SHISA9: variants seen among roughly 807,000 people sequenced by gnomAD.
SHISA9 encodes protein shisa-9.
Under a neutral mutation model 38.0 loss-of-function variants are expected in SHISA9, and 13 were observed. That is an observed-to-expected ratio of 0.34 (90% CI 0.22 to 0.54). The LOEUF is 0.54. SHISA9 is among the 20% of genes least tolerant of loss of function. The pLI, the probability that SHISA9 is intolerant of heterozygous loss-of-function variation, is 0.91. For synonymous variants in SHISA9, 275 were observed against 242.0 expected (o/e 1.14, Z -1.27); for missense variants, 538 against 575.8 (o/e 0.93, Z 0.67).
chr16:13,408,522 CTG>C, the SHISA9 span, among the ~76,000 whole-genome samples: 23 of 152,240 alleles, frequency 1.5e-4, no homozygotes, highest in African/African-American at 5.3e-4. Flanking sequence ...TCTAGCATAA[CTG>C]ATAAAAATTT....
At chr16:13,102,065 AT>A (rs1480320084) in intron 2 of SHISA9, among the ~76,000 whole-genome samples, 1 of 151,988 alleles carries the variant, frequency 6.6e-6, no homozygotes, top group Non-Finnish European at 1.5e-5. Context: ...TACTTTACTT[AT>A]TTACATTCCC....
intron 2 of SHISA9, among the ~76,000 whole-genome samples, chr16:13,004,943 G>GAAAAAAAAAAAAAA (rs59694628): frequency 7.7e-5 from 8 of 103,746 alleles, no homozygotes; most frequent in Non-Finnish European, 9.8e-5. Flanking sequence ...TTAAGAAAAA[G>GAAAAAAAAAAAAAA]AAAAAAAAAA....
the SHISA9 span, among the ~76,000 whole-genome samples, chr16:13,497,685 CAAAAAAAAAA>C: frequency 9.4e-6 from 1 of 106,370 alleles, no homozygotes; most frequent in African/African-American, 3.6e-5. Context: ...ACTCCGTCTC[CAAAAAAAAAA>C]AAAAAAGAAA....
chr16:13,301,696 G>A, the SHISA9 span, among the ~76,000 whole-genome samples: 3 of 152,182 alleles, frequency 2.0e-5, no homozygotes, highest in Non-Finnish European at 4.4e-5. Context: ...TTGGTAGTAT[G>A]AGGTATGTGG....
chr16:13,238,815 T>TTTTTA lies in SHISA9; in HGVS notation c.*3408_*3409insTTATT, dbSNP rs373980000. 2.7e-3 allele frequency: 370 copies of TTTTTA among 136,140 alleles called. 1 individual carries two copies. Among genetic ancestry groups the TTTTTA allele is most frequent in the Non-Finnish European group, 4.7e-3 (302 of 63,858 alleles). 8.4% of individuals were successfully genotyped at this position (136,140 alleles called of 1,614,324 possible). On this transcript the variant is annotated 3_prime_UTR_variant, in exon 5 of 5. Transcript: ENST00000558583. Reference sequence around the variant, plus strand: ...TTTTTTTTAATGTATCCATGGAGTATTTATTATTATTATTATTATTATTAT... The same window carrying TTTTTA: ...TTTTTTTTAATGTATCCATGGAGTATTTTTATTATTATTATTATTATTATTATTAT...
chr16:13,181,181 CATAATA>C (rs930895321), intron 2 of SHISA9, among the ~76,000 whole-genome samples: 1 of 148,734 alleles, frequency 6.7e-6, no homozygotes, highest in South Asian at 2.1e-4. Context: ...TTTATATAAT[CATAATA>C]ATAATTATAA....
the SHISA9 span, among the ~76,000 whole-genome samples, chr16:13,529,604 G>C: frequency 1.3e-5 from 2 of 152,182 alleles, no homozygotes; most frequent in Admixed American, 6.5e-5. Context: ...ACTTTGGTTT[G>C]TGTTTTCCCT....
the SHISA9 span, among the ~76,000 whole-genome samples, chr16:13,336,554 G>A: frequency 6.6e-6 from 1 of 152,172 alleles, no homozygotes; most frequent in African/African-American, 2.4e-5. Context: ...AAAATAGTTG[G>A]AGGTTACATT....
At chr16:13,368,394 A>G in the SHISA9 span, among the ~76,000 whole-genome samples, 21 of 152,114 alleles carry the variant, frequency 1.4e-4, no homozygotes, top group African/African-American at 5.1e-4. Context: ...TCGCTACTAT[A>G]TTCAAAAACA....
the SHISA9 span, among the ~76,000 whole-genome samples, chr16:13,353,578 C>A: frequency 6.6e-6 from 1 of 151,858 alleles, no homozygotes; most frequent in Non-Finnish European, 1.5e-5. Context: ...GTAGGGATGA[C>A]AAGTTTTTTG....
the SHISA9 span, among the ~76,000 whole-genome samples, chr16:13,528,291 C>T: frequency 6.6e-6 from 1 of 152,022 alleles, no homozygotes; most frequent in African/African-American, 2.4e-5. Context: ...CCTAAAGAGT[C>T]CATTTCCACA....
chr16:13,151,590 C>T (rs917965422), intron 2 of SHISA9, among the ~76,000 whole-genome samples: 27 of 152,292 alleles, frequency 1.8e-4, no homozygotes, highest in Non-Finnish European at 3.7e-4. Flanking sequence ...GTAACTATCT[C>T]TACTCTTGTT....
intron 2 of SHISA9, among the ~76,000 whole-genome samples, chr16:12,926,013 A>G (rs769141333): frequency 6.6e-6 from 1 of 152,178 alleles, no homozygotes; most frequent in Non-Finnish European, 1.5e-5. Flanking sequence ...GGCGTGAGCC[A>G]CCGTGCCTGG....
chr16:13,415,341 AC>A, the SHISA9 span, among the ~76,000 whole-genome samples: 14 of 152,298 alleles, frequency 9.2e-5, no homozygotes, highest in East Asian at 9.6e-4. Flanking sequence ...GGGACAAAAA[AC>A]CAAATACCAC....
At chr16:13,028,002 ATTCTAT>A (rs2072946155) in intron 2 of SHISA9, among the ~76,000 whole-genome samples, 1 of 149,274 alleles carries the variant, frequency 6.7e-6, no homozygotes, top group African/African-American at 2.4e-5. Flanking sequence ...ATATTGTATG[ATTCTAT>A]TTATATGAGA....
chr16:12,911,417 A>G (rs568150251), intron 1 of SHISA9: 2 of 978,410 alleles, frequency 2.0e-6, no homozygotes, highest in African/African-American at 3.5e-5. Flanking sequence ...ATGCACCCCA[A>G]TATATGCACA....
At chr16:13,440,191 A>G in the SHISA9 span, among the ~76,000 whole-genome samples, 2 of 152,212 alleles carry the variant, frequency 1.3e-5, no homozygotes, top group Non-Finnish European at 2.9e-5. Context: ...TGGGGGTGGA[A>G]GGTTCATTCT....
At chr16:13,524,782 G>T in the SHISA9 span, among the ~76,000 whole-genome samples, 1 of 151,428 alleles carries the variant, frequency 6.6e-6, no homozygotes. Flanking sequence ...GCCAAGGCTG[G>T]TTTCGAACTC....
At chr16:13,231,946 C>T (rs1041699244) in intron 4 of SHISA9, among the ~76,000 whole-genome samples, 2 of 152,204 alleles carry the variant, frequency 1.3e-5, no homozygotes, top group African/African-American at 4.8e-5. Flanking sequence ...TGACAGTTTC[C>T]TTATTTGTCA....
Sources: allele counts gnomAD v4.1 joint callset (sites outside exome capture counted in the v4.1 genomes callset), GRCh38; gene constraint gnomAD v4.1.1; transcripts MANE v1.5; gene names NCBI Gene and HGNC (gene_info 2026-07-23, HGNC 2026-07-21).